The following RPS6KA2 variants were observed in gnomAD, a reference collection of about 807,000 sequenced individuals.
The protein encoded by RPS6KA2 is ribosomal protein S6 kinase alpha-2.
RPS6KA2 carries 42 observed loss-of-function variants against 91.8 expected under a neutral mutation model. That is an observed-to-expected ratio of 0.46 (90% CI 0.36 to 0.59). The LOEUF (loss-of-function observed/expected upper bound fraction) is 0.59, where lower values mean the gene tolerates loss of function less well. RPS6KA2 is among the 20% of genes least tolerant of loss of function. RPS6KA2 has a pLI of 0.00. For missense variants in RPS6KA2, 798 were observed against 978.5 expected (o/e 0.82, Z 2.46); for synonymous variants, 414 against 393.6 (o/e 1.05, Z -0.61).
rs1786874142 is a variant in RPS6KA2, at chr6:166,626,339, T to C, written c.99+582A>G. Among the ~76,000 whole-genome samples the C allele has an allele frequency of 6.6e-6, 1 of 152,252 alleles. No homozygotes were observed. On this transcript the variant is annotated intron_variant, in intron 1 of 20. Coordinates refer to ENST00000265678, the MANE Select transcript of RPS6KA2 (RefSeq NM_021135.6). The surrounding 1 kb of genome is among the most constrained non-coding windows in gnomAD (Gnocchi z 4.1). ...TATCAGCCTCGGCGCTGCGAGGATA[T>C]TGCATCAGGCTCTTTACTCCTGAAC...
intron 1 of RPS6KA2, among the ~76,000 whole-genome samples, chr6:166,550,740 C>T (rs532484108): frequency 8.5e-5 from 13 of 152,228 alleles, no homozygotes; most frequent in South Asian, 6.2e-4. Flanking sequence ...CGATGGCTCA[C>T]GCCTGTAATC....
intron 1 of RPS6KA2, among the ~76,000 whole-genome samples, chr6:166,587,032 C>T (rs1194488084): frequency 6.6e-6 from 1 of 152,232 alleles, no homozygotes; most frequent in Non-Finnish European, 1.5e-5. Flanking sequence ...CCCCCCACAG[C>T]TAACTGCAGG....
rs921537925 is a variant in RPS6KA2 at position 166,410,923 on chromosome 6, C to CTAAG, written c.*1835_*1838dup. ...TGACCTCAGGATTATCCACTTCTTC[C>CTAAG]TAAGTTTCTAAAAAGAAGTGAAATA... On this transcript the variant is annotated 3_prime_UTR_variant, in exon 21 of 21. Coordinates refer to ENST00000265678, the MANE Select transcript of RPS6KA2 (RefSeq NM_021135.6). 5 of 152,100 alleles carry CTAAG rather than the reference C, an allele frequency of 3.3e-5. No individual in the cohort carries two copies. Among genetic ancestry groups the CTAAG allele is most frequent in the Non-Finnish European group, 7.4e-5 (5 of 68,018 alleles). The allele number at this position is 152,100 out of a possible 1,614,324, so 9.4% of individuals were successfully genotyped here.
intron 2 of RPS6KA2, among the ~76,000 whole-genome samples, chr6:166,680,714 TTCTGGACATA>T (rs1737682428): frequency 6.6e-6 from 1 of 152,100 alleles, no homozygotes; most frequent in African/African-American, 2.4e-5. Flanking sequence ...AAGGAAAAAA[TTCTGGACATA>T]TCTGAACATC....
At chr6:166,534,221 CAAAAAAA>C (rs34585369) in intron 2 of RPS6KA2, among the ~76,000 whole-genome samples, 122 of 59,346 alleles carry the variant, frequency 2.1e-3, no homozygotes, top group East Asian at 9.6e-3. Context: ...GACTCTGTCT[CAAAAAAA>C]AAAAAAAAAA....
Position 166,858,188 on chromosome 6 carries a change from G to A in RPS6KA2, c.123+12C>T, listed in dbSNP as rs377569417. 1.3e-5 allele frequency: 19 copies of A among 1,458,578 alleles called. No homozygotes were observed. In the African/African-American group the frequency reaches 2.0e-4, roughly 16 times the overall value. 90.4% of individuals were successfully genotyped at this position (1,458,578 alleles called of 1,614,324 possible). A position where few individuals can be genotyped will look rare whatever the true frequency, so the allele number is the denominator to read the frequency against. Reference sequence around the variant, plus strand: ...CAAACAAAGCAGAGTGTAATAAAACGTGTATAGTTACTTCTTCTGCAGTGT... The same window carrying A: ...CAAACAAAGCAGAGTGTAATAAAACATGTATAGTTACTTCTTCTGCAGTGT... On this transcript the variant is annotated intron_variant, in intron 2 of 21. Transcript: ENST00000503859.
chr6:166,624,218 G>A (rs958980950), intron 1 of RPS6KA2, among the ~76,000 whole-genome samples: 4 of 152,140 alleles, frequency 2.6e-5, no homozygotes, highest in African/African-American at 9.7e-5. Flanking sequence ...TATGTCACTA[G>A]ACTTTGAATT....
At chr6:166,668,151 C>T (rs1375064517) in intron 2 of RPS6KA2, among the ~76,000 whole-genome samples, 1 of 152,170 alleles carries the variant, frequency 6.6e-6, no homozygotes, top group Non-Finnish European at 1.5e-5. Context: ...GCAATGCCAC[C>T]GAGCAGTGCA....
chr6:166,664,857 G>A (rs1201119567), intron 2 of RPS6KA2, among the ~76,000 whole-genome samples: 1 of 152,214 alleles, frequency 6.6e-6, no homozygotes, highest in Non-Finnish European at 1.5e-5. Flanking sequence ...ATGAGGTGCA[G>A]AGAGCCAGCT....
rs200011293 is a variant in RPS6KA2, at chr6:166,488,868, C to G, written c.872G>C (p.Arg291Pro). Residue 291 changes from arginine to proline, a missense_variant, in exon 10 of 21, where the codon CGA (arginine) becomes CCA (proline). Coordinates refer to ENST00000265678, the MANE Select transcript of RPS6KA2 (RefSeq NM_021135.6). ...GCAGGGGTTCCGTTTGAAGAGAGCT[C>G]GCAGCAAACTCTGTGCCTCCCCACT... ...FLSGEAQSLL[R>P]ALFKRNPCNR... The G allele has an allele frequency of 1.9e-6, 3 of 1,613,742 alleles. No homozygotes were observed. Among genetic ancestry groups the G allele is most frequent in the Non-Finnish European group, 2.5e-6 (3 of 1,179,896 alleles).
Position 166,665,978 on chromosome 6 carries a change from T to C in RPS6KA2, c.124-127194A>G, listed in dbSNP as rs557889490. On this transcript the variant is annotated intron_variant, in intron 2 of 21. Transcript: ENST00000503859. This position sits in a 1 kb window ranked among gnomAD's most constrained non-coding sequence, Gnocchi z 4.5. ...TCATGATGATGAACCCAATCATGTA[T>C]ATATAGCTTAAATCAAGTGGAAAAG... 1.3e-5 allele frequency among the ~76,000 whole-genome samples: 2 copies of C among 152,264 alleles called. No individual in the cohort carries two copies. The highest frequency in any genetic ancestry group is 4.2e-4 in the South Asian group (2 of 4,816).
intron 2 of RPS6KA2, among the ~76,000 whole-genome samples, chr6:166,762,617 G>A (rs1370225980): frequency 2.0e-5 from 3 of 152,096 alleles, no homozygotes; most frequent in Non-Finnish European, 2.9e-5. Context: ...TGTGCACCAC[G>A]GTCCCTGAGA....
intron 2 of RPS6KA2, among the ~76,000 whole-genome samples, chr6:166,824,361 G>A (rs890621408): frequency 6.6e-6 from 1 of 152,208 alleles, no homozygotes; most frequent in East Asian, 1.9e-4. Context: ...ATAGCAGCCT[G>A]TCCCCCTGGT....
intron 2 of RPS6KA2, among the ~76,000 whole-genome samples, chr6:166,750,120 G>T (rs552352605): frequency 1.3e-5 from 2 of 152,332 alleles, no homozygotes; most frequent in East Asian, 3.9e-4. Flanking sequence ...CCGGAGAGAA[G>T]TTGGCTTCCT....
At chr6:166,565,162 C>T (rs75368827) in intron 1 of RPS6KA2, among the ~76,000 whole-genome samples, 7,894 of 152,200 alleles carry the variant, frequency 0.052, 721 homozygotes, top group African/African-American at 0.18. Context: ...GGCCAGTGCT[C>T]GGCCTCTGCT....
intron 1 of RPS6KA2, among the ~76,000 whole-genome samples, chr6:166,566,970 G>A (rs1488134926): frequency 2.0e-5 from 3 of 152,166 alleles, no homozygotes; most frequent in Admixed American, 6.5e-5. Flanking sequence ...ACATTACATC[G>A]TCGCAGGTGC....
At chr6:166,717,425 C>T (rs1790043374) in intron 2 of RPS6KA2, among the ~76,000 whole-genome samples, 1 of 152,200 alleles carries the variant, frequency 6.6e-6, no homozygotes, top group Non-Finnish European at 1.5e-5. Context: ...CACACACTGG[C>T]ACCAGGAGTC....
chr6:166,650,927 T>C (rs10484525), intron 2 of RPS6KA2, among the ~76,000 whole-genome samples: 47,618 of 152,002 alleles, frequency 0.31, 7,642 homozygotes, highest in East Asian at 0.41. Flanking sequence ...AACCTGAACA[T>C]AGGAATAGAT....
intron 1 of RPS6KA2, among the ~76,000 whole-genome samples, chr6:166,587,559 T>A (rs1461790158): frequency 6.6e-6 from 1 of 152,160 alleles, no homozygotes; most frequent in African/African-American, 2.4e-5. Context: ...AACACTTTAG[T>A]TCTTCCTGAA....
Sources: gnomAD v4.1 joint callset for allele counts (sites outside exome capture counted in the v4.1 genomes callset) on GRCh38, gnomAD v4.1.1 for gene constraint, Gnocchi (gnomAD v3.1) non-coding constraint, MANE v1.5 for transcripts, NCBI Gene and HGNC (gene_info 2026-07-23, HGNC 2026-07-21) for gene names.